MOK: variants seen among roughly 807,000 people sequenced by gnomAD.
The protein encoded by MOK is MOK protein kinase.
Under a neutral mutation model 54.2 loss-of-function variants are expected in MOK, and 59 were observed. That is an observed-to-expected ratio of 1.09 (90% confidence interval 0.88 to 1.35). The LOEUF is 1.35. Among genes scored for constraint, MOK ranks in the 40% most tolerant of loss-of-function variants. MOK has a pLI of 0.00. For synonymous variants in MOK, 210 were observed against 202.7 expected (o/e 1.04, Z -0.31); for missense variants, 517 against 526.2 (o/e 0.98, Z 0.17).
Position 102,229,199 on chromosome 14 carries a change from C to A in MOK, c.*90G>T. ...GAAACGGACGCAGGCGCATCCCCAG[C>A]CCTCCGTGGCGTCTCAGCAGCAGAT... On this transcript the variant is annotated 3_prime_UTR_variant, in exon 12 of 12. Coordinates refer to ENST00000361847, the MANE Select transcript of MOK (RefSeq NM_014226.3). The A allele has an allele frequency of 1.5e-6, 2 of 1,355,760 alleles. No individual in the cohort carries two copies. The highest frequency in any genetic ancestry group is 2.0e-6 in the Non-Finnish European group (2 of 992,148). 84.0% of individuals were successfully genotyped at this position (1,355,760 alleles called of 1,614,324 possible). A position where few individuals can be genotyped will look rare whatever the true frequency, so the allele number is the denominator to read the frequency against.
At chr14:102,216,702 G>A in the MOK span, among the ~76,000 whole-genome samples, 1 of 152,186 alleles carries the variant, frequency 6.6e-6, no homozygotes, top group Non-Finnish European at 1.5e-5. Flanking sequence ...GGCCGAGGCG[G>A]GTGGATCACC....
At chr14:102,261,409 AAAAAAAAAAATATATATAT>A (rs1313441031) in intron 4 of MOK, among the ~76,000 whole-genome samples, 10 of 79,682 alleles carry the variant, frequency 1.3e-4, no homozygotes, top group African/African-American at 5.3e-4. Flanking sequence ...AAAAAAAAAA[AAAAAAAAAAATATATATAT>A]ATATATATAT....
chr14:102,241,568 C>G (rs1225796457), intron 7 of MOK, among the ~76,000 whole-genome samples: 9 of 152,176 alleles, frequency 5.9e-5, no homozygotes, highest in Admixed American at 2.0e-4. Flanking sequence ...TGGCAACAAC[C>G]CTTAGATGCT....
downstream of MOK, chr14:102,226,534 C>CA (rs2064252455): frequency 1.5e-6 from 1 of 684,372 alleles, no homozygotes; most frequent in Non-Finnish European, 2.7e-6. This position sits in a 1 kb window ranked among gnomAD's most constrained non-coding sequence, Gnocchi z 4.8. Flanking sequence ...GGCAGCAGGG[C>CA]AAGGTGGCCT....
In MOK at chr14:102,286,069, G is replaced by A. The variant is rs559057832; in HGVS notation, c.8-2477C>T. 2.6e-3 allele frequency among the ~76,000 whole-genome samples: 400 copies of A among 151,486 alleles called. 4 individuals carry two copies. The highest frequency in any genetic ancestry group is 9.1e-3 in the African/African-American group (375 of 41,286). ...AATCCCAGCACTTTGGGAGGCCGAG[G>A]CGGGCGGATCACGAGGTCAGAAGAT... On this transcript the variant is annotated intron_variant, in intron 1 of 11. Coordinates refer to ENST00000361847, the MANE Select transcript of MOK (RefSeq NM_014226.3).
At chr14:102,266,685 C>A (rs1055254359) in intron 2 of MOK, among the ~76,000 whole-genome samples, 3 of 152,076 alleles carry the variant, frequency 2.0e-5, no homozygotes, top group South Asian at 2.1e-4. Flanking sequence ...CGGGTTCAAG[C>A]GATTCTCCTG....
chr14:102,302,591 A>G (rs2072353492), intron 1 of MOK, among the ~76,000 whole-genome samples: 1 of 150,508 alleles, frequency 6.6e-6, no homozygotes, highest in African/African-American at 2.4e-5. Flanking sequence ...AATTTTTTGT[A>G]TTTTTAGTAG....
At position 102,229,612 on chromosome 14, in the gene MOK, G is replaced by A; in HGVS notation, c.1027C>T (p.Pro343Ser). 6.2e-7 allele frequency: 1 copy of A among 1,614,124 alleles called. No homozygotes were observed. The highest frequency in any genetic ancestry group is 8.5e-7 in the Non-Finnish European group (1 of 1,179,984). Residue 343 changes from proline (P) to serine (S), a missense_variant, in exon 11 of 12, where the codon CCG (proline) becomes TCG (serine). Transcript: ENST00000361847. ...QEEDRPKRRG[P>S]AYVMELPKLK... is the part of the protein sequence containing the mutation. ...TTGGGCAGTTCCATGACATAGGCCG[G>A]TCCTCGTCTCTTGGGACGGTCCTCC...
intron 4 of MOK, among the ~76,000 whole-genome samples, chr14:102,260,933 T>G (rs753292804): frequency 2.0e-5 from 3 of 151,440 alleles, no homozygotes; most frequent in Non-Finnish European, 2.9e-5. Context: ...CCATCCTGGC[T>G]AACAAGGTGA....
At chr14:102,243,978 A>G (rs1163110019) in intron 7 of MOK, among the ~76,000 whole-genome samples, 1 of 152,184 alleles carries the variant, frequency 6.6e-6, no homozygotes, top group Non-Finnish European at 1.5e-5. Context: ...CAAAGGAACT[A>G]CGCATCAATA....
chr14:102,273,463 C>T (rs146346403), intron 2 of MOK, among the ~76,000 whole-genome samples: 1 of 152,098 alleles, frequency 6.6e-6, no homozygotes, highest in Non-Finnish European at 1.5e-5. Context: ...ACACGTAAGA[C>T]CTTTTCAGTG....
chr14:102,267,157 C>T (rs1184444423), intron 2 of MOK, among the ~76,000 whole-genome samples: 2 of 152,190 alleles, frequency 1.3e-5, no homozygotes, highest in Non-Finnish European at 2.9e-5. Context: ...AATTGTGGGA[C>T]TATTTTTTCA....
chr14:102,257,822 C>T (rs1057176992), intron 4 of MOK, among the ~76,000 whole-genome samples: 1 of 152,030 alleles, frequency 6.6e-6, no homozygotes, highest in African/African-American at 2.4e-5. Flanking sequence ...ACTAAAAATA[C>T]AAAAATTAGC....
the MOK span, among the ~76,000 whole-genome samples, chr14:102,215,223 G>C: frequency 6.6e-6 from 1 of 152,220 alleles, no homozygotes; most frequent in Non-Finnish European, 1.5e-5. Context: ...TGTTTTATGT[G>C]GTCCTCCTCT....
chr14:102,302,011 C>T (rs572242711), intron 1 of MOK, among the ~76,000 whole-genome samples: 2 of 151,718 alleles, frequency 1.3e-5, no homozygotes, highest in Admixed American at 6.6e-5. Context: ...CTCGGCGTCC[C>T]GAAGTGCTGG....
At chr14:102,268,341 A>G (rs1364408284) in intron 2 of MOK, among the ~76,000 whole-genome samples, 2 of 152,098 alleles carry the variant, frequency 1.3e-5, no homozygotes, top group African/African-American at 2.4e-5. Context: ...ATAAAATTCA[A>G]ATCAACTCTG....
chr14:102,226,671 A>G (rs1340020835), downstream of MOK, among the ~76,000 whole-genome samples: 1 of 152,190 alleles, frequency 6.6e-6, no homozygotes, highest in Non-Finnish European at 1.5e-5. This position sits in a 1 kb window ranked among gnomAD's most constrained non-coding sequence, Gnocchi z 4.8. Context: ...TGCCAAGAGC[A>G]GGCAGGTGCA....
At chr14:102,267,154 G>C (rs1384841046) in intron 2 of MOK, among the ~76,000 whole-genome samples, 2 of 152,086 alleles carry the variant, frequency 1.3e-5, no homozygotes, top group Non-Finnish European at 2.9e-5. Flanking sequence ...ACTAATTGTG[G>C]GACTATTTTT....
the MOK span, among the ~76,000 whole-genome samples, chr14:102,216,701 G>A: frequency 6.6e-6 from 1 of 152,288 alleles, no homozygotes; most frequent in African/African-American, 2.4e-5. Context: ...AGGCCGAGGC[G>A]GGTGGATCAC....
Sources: allele counts gnomAD v4.1 joint callset (sites outside exome capture counted in the v4.1 genomes callset), GRCh38; gene constraint gnomAD v4.1.1; non-coding constraint Gnocchi (gnomAD v3.1); transcripts MANE v1.5; gene names NCBI Gene and HGNC (gene_info 2026-07-23, HGNC 2026-07-21).